The following ARMH3 variants were observed in gnomAD, a reference collection of about 807,000 sequenced individuals.
ARMH3 encodes the protein armadillo like helical domain containing 3.
Under a neutral mutation model 99.1 loss-of-function variants are expected in ARMH3, and 60 were observed. The ratio of observed to expected loss-of-function variants is 0.61; its 90% confidence interval spans 0.49 to 0.75. The LOEUF (loss-of-function observed/expected upper bound fraction) is 0.75. Ranked by LOEUF, ARMH3 falls within the 30% of genes least tolerant of loss-of-function variation. ARMH3 has a pLI of 0.00. For missense variants in ARMH3, 679 were observed against 843.1 expected (o/e 0.81, Z 2.41); for synonymous variants, 285 against 292.8 (o/e 0.97, Z 0.27).
At chr10:102,004,744 T>C (rs561071943) in intron 14 of ARMH3, among the ~76,000 whole-genome samples, 1 of 152,272 alleles carries the variant, frequency 6.6e-6, no homozygotes, top group Admixed American at 6.5e-5. Context: ...CAGAGACAAG[T>C]AGGCAATCCT....
intron 23 of ARMH3, among the ~76,000 whole-genome samples, chr10:101,926,520 T>C (rs1843513482): frequency 6.6e-6 from 1 of 152,140 alleles, no homozygotes; most frequent in Non-Finnish European, 1.5e-5. Flanking sequence ...ACTCTAACTT[T>C]TGGGAAAGAT....
At chr10:101,910,675 T>C (rs1160124532) in intron 23 of ARMH3, among the ~76,000 whole-genome samples, 1 of 148,624 alleles carries the variant, frequency 6.7e-6, no homozygotes, top group Non-Finnish European at 1.5e-5. Context: ...GAGGTTGCAG[T>C]GAGCTGAGAT....
At chr10:102,028,523 T>C (rs983904680) in intron 5 of ARMH3, among the ~76,000 whole-genome samples, 68 of 152,132 alleles carry the variant, frequency 4.5e-4, no homozygotes, top group African/African-American at 1.6e-3. Flanking sequence ...AAACAAAATA[T>C]AGTGAGTATC....
At chr10:101,869,311 A>T (rs913777093) in intron 24 of ARMH3, among the ~76,000 whole-genome samples, 1 of 152,330 alleles carries the variant, frequency 6.6e-6, no homozygotes, top group Middle Eastern at 3.4e-3. Flanking sequence ...AAGGGAACAC[A>T]TTCTTTTCAA....
At chr10:101,958,753 C>CA (rs1845155326) in intron 20 of ARMH3, among the ~76,000 whole-genome samples, 1 of 152,044 alleles carries the variant, frequency 6.6e-6, no homozygotes, top group Admixed American at 6.6e-5. Flanking sequence ...CCCATGCTGT[C>CA]AGAGTTTTGT....
At chr10:102,052,110 ACTGTCACTCATATCTT>A (rs1228299703) in intron 1 of ARMH3, among the ~76,000 whole-genome samples, 25 of 152,280 alleles carry the variant, frequency 1.6e-4, no homozygotes, top group African/African-American at 5.1e-4. Context: ...CAAACGGCAC[ACTGTCACTCATATCTT>A]CTCATTTCTT....
chr10:101,878,968 C>T (rs943540305), intron 24 of ARMH3, among the ~76,000 whole-genome samples: 2 of 152,138 alleles, frequency 1.3e-5, no homozygotes, highest in Non-Finnish European at 2.9e-5. Context: ...CATACTGTGC[C>T]AGGATCTTCC....
intron 19 of ARMH3, among the ~76,000 whole-genome samples, chr10:101,977,799 C>T (rs1846074225): frequency 6.6e-6 from 1 of 152,176 alleles, no homozygotes; most frequent in Non-Finnish European, 1.5e-5. Context: ...GCCCCCTCAC[C>T]ATACAATACC....
chr10:101,980,853 T>C (rs1300111939), intron 19 of ARMH3, among the ~76,000 whole-genome samples: 3 of 152,194 alleles, frequency 2.0e-5, no homozygotes, highest in East Asian at 3.9e-4. Flanking sequence ...ATGTGGTACA[T>C]ATACACCATG....
At chr10:101,900,240 C>A (rs2067942333) in intron 23 of ARMH3, among the ~76,000 whole-genome samples, 1 of 152,132 alleles carries the variant, frequency 6.6e-6, no homozygotes, top group South Asian at 2.1e-4. Context: ...AGAATGAAAA[C>A]CTCTAATAAT....
chr10:101,909,680 G>A (rs529502199), intron 23 of ARMH3, among the ~76,000 whole-genome samples: 345 of 151,848 alleles, frequency 2.3e-3, no homozygotes, highest in African/African-American at 7.9e-3. Context: ...AGCTGGTCTC[G>A]AACTCCTGGG....
chr10:101,870,566 G>A (rs2067110064), intron 24 of ARMH3, among the ~76,000 whole-genome samples: 1 of 152,116 alleles, frequency 6.6e-6, no homozygotes, highest in Non-Finnish European at 1.5e-5. Flanking sequence ...CTATATGTTT[G>A]AAATTTTCCC....
At chr10:102,018,676 C>T (rs1055496403) in intron 8 of ARMH3, among the ~76,000 whole-genome samples, 3 of 152,180 alleles carry the variant, frequency 2.0e-5, no homozygotes, top group African/African-American at 7.2e-5. Context: ...CAATTATCAG[C>T]CAGGCACGGT....
At chr10:101,980,455 T>C (rs899859093) in intron 19 of ARMH3, among the ~76,000 whole-genome samples, 3 of 152,090 alleles carry the variant, frequency 2.0e-5, no homozygotes, top group Non-Finnish European at 4.4e-5. Flanking sequence ...CCTGCCACCA[T>C]GCCTGGCTGA....
chr10:102,039,982 A>G (rs748760439), intron 2 of ARMH3, 31 bp downstream of exon 2: 252 of 1,573,290 alleles, frequency 1.6e-4, no homozygotes, highest in Non-Finnish European at 1.7e-5. Context: ...CTAAAGACTC[A>G]AGCTGTACAC....
chr10:102,048,196 C>T (rs2067603937), intron 1 of ARMH3, among the ~76,000 whole-genome samples: 1 of 152,218 alleles, frequency 6.6e-6, no homozygotes, highest in African/African-American at 2.4e-5. Context: ...CACCTTATCA[C>T]ATATCATTCT....
chr10:102,017,955 C>T (rs1457957511), intron 8 of ARMH3, among the ~76,000 whole-genome samples: 1 of 152,166 alleles, frequency 6.6e-6, no homozygotes, highest in Admixed American at 6.6e-5. Flanking sequence ...CAAATAAAGC[C>T]CAACTAGGAC....
chr10:102,033,879 C>T lies in ARMH3; in HGVS notation c.103-540G>A, dbSNP rs1307252379. The stretch of plus-strand genomic sequence containing the variant: ...AGTTAAATAATAGCTCAAAGAACTT[C>T]CCTAAAATATTTATCTTCTAGCAAG... On this transcript the variant is annotated intron_variant, in intron 2 of 25. Transcript: ENST00000370033. Among the ~76,000 whole-genome samples the T allele has an allele frequency of 5.3e-5, 8 of 152,140 alleles. No homozygotes were observed. The East Asian group carries it at 1.5e-3, about 29-fold the overall frequency.
intron 22 of ARMH3, among the ~76,000 whole-genome samples, chr10:101,942,818 A>G (rs1844305065): frequency 6.6e-6 from 1 of 150,924 alleles, no homozygotes. Flanking sequence ...GTGAACCAAG[A>G]TTGCACCACT....
Sources: gnomAD v4.1 joint callset for allele counts (sites outside exome capture counted in the v4.1 genomes callset) on GRCh38, gnomAD v4.1.1 for gene constraint, MANE v1.5 for transcripts, NCBI Gene and HGNC (gene_info 2026-07-23, HGNC 2026-07-21) for gene names.